The following TLN2 variants were observed in gnomAD, a reference collection of about 807,000 sequenced individuals.
TLN2 encodes talin-2.
TLN2 carries 118 observed loss-of-function variants against 294.7 expected under a neutral mutation model. The ratio of observed to expected loss-of-function variants is 0.40; its 90% CI spans 0.34 to 0.47. The LOEUF is 0.47. TLN2 is among the 20% of genes least tolerant of loss of function. TLN2 has a pLI of 0.84. For missense variants in TLN2, 3,083 were observed against 3,282.2 expected, an observed-to-expected ratio of 0.94 and a Z score of 1.48; for synonymous variants, 1,431 against 1,304.5, an observed-to-expected ratio of 1.10 and a Z score of -2.09.
intron 23 of TLN2, among the ~76,000 whole-genome samples, chr15:62,716,966 T>G (rs2414783): frequency 1.3e-5 from 2 of 151,912 alleles, no homozygotes; most frequent in Non-Finnish European, 2.9e-5. Flanking sequence ...AAAGTTTGTC[T>G]GACAAATGCA....
At chr15:62,595,599 A>T (rs918114390) in intron 2 of TLN2, among the ~76,000 whole-genome samples, 7 of 152,190 alleles carry the variant, frequency 4.6e-5, no homozygotes, top group Non-Finnish European at 1.0e-4. Flanking sequence ...TGTCGAAGAG[A>T]TGTCTGCACT....
chr15:62,633,925 T>C (rs2050146757), intron 3 of TLN2, among the ~76,000 whole-genome samples: 1 of 152,206 alleles, frequency 6.6e-6, no homozygotes, highest in Admixed American at 6.5e-5. Flanking sequence ...GCCTCTCTTG[T>C]GGCTTTTAGA....
chr15:62,700,978 G>A, intron 16 of TLN2, 128 bp from the exon 17 acceptor site: 4 of 731,056 alleles, frequency 5.5e-6, no homozygotes, highest in Non-Finnish European at 9.4e-6. Context: ...TAACTTAAGG[G>A]CCCTGTCGGT....
At chr15:62,805,888 T>A in intron 51 of TLN2, 103 bp downstream of exon 51, 1 of 1,325,646 alleles carries the variant, frequency 7.5e-7, no homozygotes, top group Non-Finnish European at 1.0e-6. Context: ...CCTTAAACTT[T>A]GTAATAAAAA....
chr15:62,776,668 G>C, intron 42 of TLN2, 96 bp from the exon 43 acceptor site: 4 of 1,169,558 alleles, frequency 3.4e-6, no homozygotes, highest in Non-Finnish European at 4.4e-6. Flanking sequence ...TCCATTGTGG[G>C]GGTATGGTTT....
intron 47 of TLN2, 29 bp from the exon 48 acceptor site, chr15:62,797,190 C>T: frequency 6.2e-7 from 1 of 1,613,406 alleles, no homozygotes; most frequent in Non-Finnish European, 8.5e-7. Flanking sequence ...TGTCTCTCCC[C>T]CTCTCCCCTG....
chr15:62,442,324 G>A (rs566433104), intron 1 of TLN2, among the ~76,000 whole-genome samples: 26 of 151,808 alleles, frequency 1.7e-4, no homozygotes, highest in African/African-American at 6.0e-4. Context: ...GTGAAACCCC[G>A]TCTCTACTAA....
chr15:62,746,172 A>G (rs1214931167), intron 32 of TLN2, among the ~76,000 whole-genome samples: 1 of 152,216 alleles, frequency 6.6e-6, no homozygotes, highest in African/African-American at 2.4e-5. Flanking sequence ...AAAAACACAG[A>G]TAAACAGGAA....
intron 1 of TLN2, among the ~76,000 whole-genome samples, chr15:62,525,481 C>T (rs1042992246): frequency 2.6e-5 from 4 of 152,226 alleles, no homozygotes; most frequent in Non-Finnish European, 5.9e-5. Flanking sequence ...ACCCCACCTT[C>T]TCTAATCATA....
intron 55 of TLN2, chr15:62,834,310 C>G (rs901977161): frequency 1.3e-5 from 2 of 152,178 alleles, no homozygotes; most frequent in African/African-American, 4.8e-5. Context: ...CCACGACTGG[C>G]TTTCAGAGAG....
chr15:62,634,462 T>C (rs748176116), intron 3 of TLN2, among the ~76,000 whole-genome samples: 2 of 152,222 alleles, frequency 1.3e-5, no homozygotes, highest in African/African-American at 2.4e-5. Context: ...CGTGACAGTA[T>C]CTTAAAACAA....
Position 62,698,848 on chromosome 15 carries a change from C to T in TLN2, c.1568C>T (p.Pro523Leu), listed in dbSNP as rs1397360171. 6.2e-7 allele frequency: 1 copy of T among 1,612,852 alleles called. No homozygotes were observed. Among genetic ancestry groups the T allele is most frequent in the South Asian group, 1.1e-5 (1 of 91,048 alleles). ...QDDLSELDSL[P>L]PLGQDMASRV... Reference sequence around the variant, plus strand: ...GATCTCAGTGAGCTCGACTCGCTGCCACCTCTCGGCCAGGATATGGTAAAT... The same window carrying T: ...GATCTCAGTGAGCTCGACTCGCTGCTACCTCTCGGCCAGGATATGGTAAAT... The change falls in exon 16 of 59, where the codon CCA (proline) becomes CTA (leucine). Residue 523 changes from proline (P) to leucine (L), a missense_variant. Coordinates refer to ENST00000636159, the MANE Select transcript of TLN2 (RefSeq NM_015059.3).
At chr15:62,770,114 A>T (rs968793268) in intron 41 of TLN2, among the ~76,000 whole-genome samples, 3 of 152,206 alleles carry the variant, frequency 2.0e-5, no homozygotes, top group Admixed American at 2.0e-4. Flanking sequence ...GTGGGGTGGG[A>T]TGCCGCTGTC....
At chr15:62,683,762 G>C (rs2057059635) in intron 11 of TLN2, among the ~76,000 whole-genome samples, 1 of 152,164 alleles carries the variant, frequency 6.6e-6, no homozygotes, top group Admixed American at 6.5e-5. Context: ...GCTTTAGCCT[G>C]CTTTGTCTAC....
intron 4 of TLN2, among the ~76,000 whole-genome samples, chr15:62,649,814 T>A (rs545285692): frequency 3.3e-5 from 5 of 152,332 alleles, no homozygotes; most frequent in African/African-American, 7.2e-5. Flanking sequence ...TTGGACTGCT[T>A]CTAAATTTTC....
chr15:62,797,942 T>C (rs1242787931), intron 48 of TLN2, among the ~76,000 whole-genome samples: 1 of 151,536 alleles, frequency 6.6e-6, no homozygotes, highest in Non-Finnish European at 1.5e-5. Flanking sequence ...GAATCCAGCA[T>C]TTAGGACCAC....
At chr15:62,781,290 C>A in intron 44 of TLN2, 49 bp downstream of exon 44, 1 of 1,444,934 alleles carries the variant, frequency 6.9e-7, no homozygotes, top group Non-Finnish European at 9.7e-7. Context: ...CCTTTTTATC[C>A]ACTGCCGCCG....
At chr15:62,558,519 C>T (rs1012311556) in intron 1 of TLN2, among the ~76,000 whole-genome samples, 1 of 151,968 alleles carries the variant, frequency 6.6e-6, no homozygotes, top group Non-Finnish European at 1.5e-5. Context: ...AGACCCCGTT[C>T]TTAGTTGGAA....
chr15:62,529,088 A>G (rs2040891269), intron 1 of TLN2, among the ~76,000 whole-genome samples: 1 of 149,918 alleles, frequency 6.7e-6, no homozygotes, highest in African/African-American at 2.5e-5. Flanking sequence ...AGTAACATTT[A>G]CAGGGCTTTT....
Sources: gnomAD v4.1 joint callset for allele counts (sites outside exome capture counted in the v4.1 genomes callset) on GRCh38, gnomAD v4.1.1 for gene constraint, MANE v1.5 for transcripts, NCBI Gene and HGNC (gene_info 2026-07-23, HGNC 2026-07-21) for gene names.